The following TLL1 variants were observed in gnomAD, a reference collection of about 807,000 sequenced individuals.
The protein encoded by TLL1 is tolloid-like protein 1.
Under a neutral mutation model 128.2 loss-of-function variants are expected in TLL1, and 49 were observed. That is an observed-to-expected ratio of 0.38 (90% confidence interval 0.30 to 0.48). The LOEUF is 0.48. Among genes scored for constraint, TLL1 ranks in the 20% least tolerant of loss-of-function variants. The pLI is 0.96. For synonymous variants in TLL1, 454 were observed against 418.8 expected, an observed-to-expected ratio of 1.08 and a Z score of -1.03; for missense variants, 1,123 against 1,242.0, an observed-to-expected ratio of 0.90 and a Z score of 1.44.
chr4:165,913,708 T>A (rs1049001572), intron 1 of TLL1, among the ~76,000 whole-genome samples: 15 of 152,144 alleles, frequency 9.9e-5, no homozygotes, highest in Non-Finnish European at 1.9e-4. Flanking sequence ...TGGGGAAGTT[T>A]AGGTACTACA....
intron 1 of TLL1, among the ~76,000 whole-genome samples, chr4:165,906,765 T>A (rs185839563): frequency 3.8e-4 from 58 of 152,080 alleles, no homozygotes; most frequent in African/African-American, 1.3e-3. Context: ...TAGGCCTGTA[T>A]CTTAGTGTAG....
At chr4:165,915,240 A>G (rs1732726761) in intron 1 of TLL1, among the ~76,000 whole-genome samples, 1 of 152,214 alleles carries the variant, frequency 6.6e-6, no homozygotes. Context: ...ATTAAATACT[A>G]ATAGCTCAAA....
chr4:166,008,068 C>A lies in TLL1; in HGVS notation c.917+20C>A. ...CTCAAGGTTGGAGTCTCAGGTTATA[C>A]CTTTTGACTTTTAATTCCTTTCCTC... On this transcript the variant is annotated intron_variant, in intron 7 of 20. Transcript: ENST00000061240. 1.3e-6 allele frequency: 2 copies of A among 1,576,844 alleles called. No homozygotes were observed. Among genetic ancestry groups the A allele is most frequent in the Non-Finnish European group, 1.7e-6 (2 of 1,147,336 alleles).
At chr4:165,981,632 G>A (rs1255581187) in intron 1 of TLL1, among the ~76,000 whole-genome samples, 1 of 152,048 alleles carries the variant, frequency 6.6e-6, no homozygotes, top group East Asian at 1.9e-4. Context: ...TAGTATTCAT[G>A]TGTATATGGA....
intron 5 of TLL1, among the ~76,000 whole-genome samples, chr4:165,998,154 G>C (rs542314901): frequency 1.5e-4 from 23 of 152,050 alleles, no homozygotes; most frequent in African/African-American, 5.5e-4. Context: ...GTCATCAGTG[G>C]CATTTATTTA....
At chr4:166,099,650 T>C in intron 20 of TLL1, 123 bp downstream of exon 20, 2 of 1,241,760 alleles carry the variant, frequency 1.6e-6, no homozygotes, top group Non-Finnish European at 2.3e-6. Context: ...AAAGGCTACA[T>C]TGTATTATAA....
At chr4:166,036,976 A>G (rs1739033723) in intron 9 of TLL1, among the ~76,000 whole-genome samples, 1 of 152,184 alleles carries the variant, frequency 6.6e-6, no homozygotes, top group Admixed American at 6.5e-5. Flanking sequence ...ATATCATTAT[A>G]AAACTACCCT....
At chr4:165,894,751 A>G (rs369848064) in intron 1 of TLL1, among the ~76,000 whole-genome samples, 2 of 151,900 alleles carry the variant, frequency 1.3e-5, no homozygotes, top group South Asian at 2.1e-4. Flanking sequence ...GAGATTTTTC[A>G]TGGGTGACTA....
chr4:166,003,448 G>C lies in TLL1; in HGVS notation c.690G>C (p.Lys230Asn). Residue 230 changes from lysine to asparagine, a missense_variant, in exon 6 of 21, where the codon AAG (lysine) becomes AAC (asparagine). Physicochemically the swap from Lys to Asn is moderately conservative, Grantham distance 94. Transcript: ENST00000061240. The stretch of plus-strand genomic sequence containing the variant: ...GACCTCAGGCAATCTCTATCGGCAA[G>C]AACTGTGATAAATTTGGGATTGTTG... ...GNGPQAISIG[K>N]NCDKFGIVVH... 6.2e-7 allele frequency: 1 copy of C among 1,614,018 alleles called. No individual in the cohort carries two copies. The highest frequency in any genetic ancestry group is 8.5e-7 in the Non-Finnish European group (1 of 1,179,948).
intron 1 of TLL1, among the ~76,000 whole-genome samples, chr4:165,892,378 G>A (rs1731468409): frequency 6.6e-6 from 1 of 152,136 alleles, no homozygotes; most frequent in African/African-American, 2.4e-5. Context: ...CCTTTTAAAG[G>A]ACTGTTAGAG....
chr4:166,030,420 T>A (rs971124783), intron 9 of TLL1: 5 of 545,746 alleles, frequency 9.2e-6, no homozygotes, highest in Non-Finnish European at 1.7e-5. Flanking sequence ...TGATTAGAGA[T>A]ATGATTTGCA....
intron 1 of TLL1, among the ~76,000 whole-genome samples, chr4:165,880,578 T>C (rs2110809883): frequency 6.6e-6 from 1 of 152,344 alleles, no homozygotes; most frequent in African/African-American, 2.4e-5. Context: ...GGTATGCTAC[T>C]TGAAGCATTC....
chr4:166,005,286 A>G (rs1055756831), intron 6 of TLL1, among the ~76,000 whole-genome samples: 2 of 151,998 alleles, frequency 1.3e-5, no homozygotes, highest in African/African-American at 4.8e-5. Context: ...TAGAGAAAGG[A>G]AAGGTGAGTC....
chr4:165,955,679 C>T (rs1734750949), intron 1 of TLL1, among the ~76,000 whole-genome samples: 1 of 152,104 alleles, frequency 6.6e-6, no homozygotes, highest in Admixed American at 6.6e-5. Flanking sequence ...GTTTCATATG[C>T]TGCCAAACTA....
intron 9 of TLL1, among the ~76,000 whole-genome samples, chr4:166,026,809 T>C (rs1441112947): frequency 6.6e-6 from 1 of 152,146 alleles, no homozygotes. Context: ...ATTTAAAAGA[T>C]TGTTAGAACC....
At chr4:165,935,345 G>A (rs1282554535) in intron 1 of TLL1, among the ~76,000 whole-genome samples, 1 of 152,188 alleles carries the variant, frequency 6.6e-6, no homozygotes, top group African/African-American at 2.4e-5. Context: ...GGGAAGTTAT[G>A]CTGAAAGAGT....
intron 8 of TLL1, among the ~76,000 whole-genome samples, chr4:166,016,975 C>A (rs1324694338): frequency 2.0e-5 from 3 of 151,572 alleles, no homozygotes; most frequent in Non-Finnish European, 4.4e-5. Context: ...TATGTGCAGG[C>A]TTGTTACGTG....
At chr4:166,002,502 T>G (rs1737217776) in intron 5 of TLL1, among the ~76,000 whole-genome samples, 1 of 152,170 alleles carries the variant, frequency 6.6e-6, no homozygotes, top group South Asian at 2.1e-4. Flanking sequence ...TGGAGCGCAG[T>G]GGTACGATCC....
At chr4:165,936,857 C>T (rs113753677) in intron 1 of TLL1, among the ~76,000 whole-genome samples, 5 of 152,154 alleles carry the variant, frequency 3.3e-5, no homozygotes, top group Admixed American at 1.3e-4. Context: ...AGCTTGAACA[C>T]GGGAGGCAGA....
Sources: gnomAD v4.1 joint callset for allele counts (sites outside exome capture counted in the v4.1 genomes callset) on GRCh38, gnomAD v4.1.1 for gene constraint, MANE v1.5 for transcripts, NCBI Gene and HGNC (gene_info 2026-07-23, HGNC 2026-07-21) for gene names.